The following KIAA1217 variants were observed in gnomAD, a reference collection of about 807,000 sequenced individuals.
KIAA1217 encodes the protein sickle tail protein homolog.
A neutral mutation model predicts 163.9 loss-of-function variants in KIAA1217; 88 were observed. That is an observed-to-expected ratio of 0.54 (90% CI 0.45 to 0.64). KIAA1217 has a LOEUF of 0.64. Ranked by LOEUF, KIAA1217 falls within the 30% of genes least tolerant of loss-of-function variation. KIAA1217 has a pLI of 0.00. For synonymous variants in KIAA1217, 903 were observed against 923.1 expected (o/e 0.98, Z 0.39); for missense variants, 2,372 against 2,475.0 (o/e 0.96, Z 0.88).
rs377334726 is a variant in KIAA1217, at chr10:23,709,174, G to A, written c.-321+13940G>A. Among the ~76,000 whole-genome samples the A allele has an allele frequency of 5.9e-5, 9 of 152,108 alleles. No individual in the cohort carries two copies. In the East Asian group the frequency reaches 7.7e-4, roughly 13 times the overall value. On this transcript the variant is annotated intron_variant, in intron 1 of 18. Coordinates refer to the KIAA1217 transcript ENST00000376462. Reference sequence around the variant, plus strand: ...CAGCCTGCGGCCACTTGACACTTTGGATATCTCCTCTCAGGTATTCGGCTA... The same window carrying A: ...CAGCCTGCGGCCACTTGACACTTTGAATATCTCCTCTCAGGTATTCGGCTA...
intron 1 of KIAA1217, among the ~76,000 whole-genome samples, chr10:24,003,740 G>C (rs998852594): frequency 6.6e-6 from 1 of 152,174 alleles, no homozygotes; most frequent in Non-Finnish European, 1.5e-5. Context: ...TTGAATCACA[G>C]AATGTTTCTA....
chr10:24,379,523 T>A (rs1188411413), intron 2 of KIAA1217, among the ~76,000 whole-genome samples: 1 of 152,222 alleles, frequency 6.6e-6, no homozygotes, highest in Non-Finnish European at 1.5e-5. Context: ...ACCTTATCCC[T>A]GCTTTCCTCT....
Position 24,292,245 on chromosome 10 carries a change from C to T in KIAA1217, c.354+72336C>T, listed in dbSNP as rs576543859. On this transcript the variant is annotated intron_variant, in intron 2 of 20. Transcript: ENST00000376454. ...AGGTTAAGTGGTCATGGCAGTTTAC[C>T]GTGGACATTGTTTAACTGATGGAAA... Among the ~76,000 whole-genome samples, 265 of 152,202 alleles carry T rather than the reference C, an allele frequency of 1.7e-3. 1 individual carries two copies. The highest frequency in any genetic ancestry group is 3.3e-3 in the Non-Finnish European group (225 of 68,014).
intron 6 of KIAA1217, among the ~76,000 whole-genome samples, chr10:24,487,481 A>G (rs1302980008): frequency 6.6e-6 from 1 of 152,266 alleles, no homozygotes; most frequent in Non-Finnish European, 1.5e-5. Flanking sequence ...CCCTAGGAGT[A>G]TGTGAAGAAC....
intron 2 of KIAA1217, among the ~76,000 whole-genome samples, chr10:24,299,089 A>T (rs1033043582): frequency 2.6e-5 from 4 of 152,200 alleles, no homozygotes; most frequent in African/African-American, 9.6e-5. Flanking sequence ...ACAAATTGTA[A>T]ATACTGTATA....
intron 6 of KIAA1217, among the ~76,000 whole-genome samples, chr10:24,474,540 G>C (rs1185468487): frequency 3.9e-5 from 6 of 152,212 alleles, no homozygotes; most frequent in African/African-American, 1.4e-4. Flanking sequence ...GTTGTGGGAA[G>C]TGGAAATAAT....
intron 9 of KIAA1217, among the ~76,000 whole-genome samples, chr10:24,512,030 A>C (rs1028033045): frequency 2.6e-5 from 4 of 152,174 alleles, no homozygotes; most frequent in African/African-American, 9.7e-5. Context: ...GTAAAACTGG[A>C]AATCGAACCC....
chr10:23,710,459 G>T (rs1837181041), intron 1 of KIAA1217, among the ~76,000 whole-genome samples: 1 of 152,180 alleles, frequency 6.6e-6, no homozygotes, highest in African/African-American at 2.4e-5. Flanking sequence ...TGTAGATAAT[G>T]AAGATTGTAT....
chr10:24,103,204 C>T (rs540933461), intron 2 of KIAA1217, among the ~76,000 whole-genome samples: 1 of 152,044 alleles, frequency 6.6e-6, no homozygotes, highest in African/African-American at 2.4e-5. Context: ...AACAACTAGA[C>T]AACACATACA....
At chr10:23,967,271 C>A (rs1041407701) in intron 1 of KIAA1217, among the ~76,000 whole-genome samples, 1 of 152,046 alleles carries the variant, frequency 6.6e-6, no homozygotes, top group African/African-American at 2.4e-5. Flanking sequence ...AGAAAAACAA[C>A]TATAAACAAA....
intron 2 of KIAA1217, among the ~76,000 whole-genome samples, chr10:24,336,057 A>G (rs1385902383): frequency 1.3e-5 from 2 of 152,250 alleles, no homozygotes; most frequent in African/African-American, 2.4e-5. Context: ...CCTGGCCAAC[A>G]TGGTGAAACC....
At chr10:23,851,244 A>G (rs1012800816) in intron 1 of KIAA1217, among the ~76,000 whole-genome samples, 1 of 151,912 alleles carries the variant, frequency 6.6e-6, no homozygotes, top group African/African-American at 2.4e-5. Context: ...ATTCCCACCT[A>G]TGAGTGAGAA....
chr10:24,306,692 C>G (rs2042039080), intron 2 of KIAA1217, among the ~76,000 whole-genome samples: 1 of 152,212 alleles, frequency 6.6e-6, no homozygotes, highest in Non-Finnish European at 1.5e-5. Flanking sequence ...GCAGCATCTT[C>G]CAAGTGATAA....
At chr10:24,376,677 G>A (rs1444459536) in intron 2 of KIAA1217, among the ~76,000 whole-genome samples, 5 of 151,918 alleles carry the variant, frequency 3.3e-5, no homozygotes, top group Non-Finnish European at 7.4e-5. Flanking sequence ...TGGGAGGATC[G>A]CTTGAGCCTG....
At chr10:23,752,025 C>T (rs928872905) in intron 1 of KIAA1217, among the ~76,000 whole-genome samples, 4 of 152,222 alleles carry the variant, frequency 2.6e-5, no homozygotes, top group African/African-American at 7.2e-5. Flanking sequence ...TACCTCACAT[C>T]ATGAGCAATC....
intron 11 of KIAA1217, among the ~76,000 whole-genome samples, chr10:24,520,919 C>T (rs1333738044): frequency 1.3e-5 from 2 of 149,020 alleles, no homozygotes; most frequent in Non-Finnish European, 3.0e-5. Flanking sequence ...TAACCAGGCA[C>T]GGTGGCTCAC....
intron 1 of KIAA1217, among the ~76,000 whole-genome samples, chr10:23,915,452 A>G (rs1309584177): frequency 6.6e-6 from 1 of 152,176 alleles, no homozygotes; most frequent in Non-Finnish European, 1.5e-5. Flanking sequence ...GCTATTAGGA[A>G]TAGAAAAAGG....
intron 1 of KIAA1217, among the ~76,000 whole-genome samples, chr10:23,855,153 C>T (rs931355372): frequency 3.9e-5 from 6 of 152,140 alleles, no homozygotes; most frequent in East Asian, 3.9e-4. Context: ...TGGCTGGTAC[C>T]GGTTGTTCCT....
intron 1 of KIAA1217, among the ~76,000 whole-genome samples, chr10:23,961,753 T>C (rs1302572268): frequency 6.6e-6 from 1 of 152,150 alleles, no homozygotes; most frequent in Non-Finnish European, 1.5e-5. Flanking sequence ...CAGAAACATA[T>C]CATCTCACAG....
Sources: gnomAD v4.1 joint callset for allele counts (sites outside exome capture counted in the v4.1 genomes callset) on GRCh38, gnomAD v4.1.1 for gene constraint, MANE v1.5 for transcripts, NCBI Gene and HGNC (gene_info 2026-07-23, HGNC 2026-07-21) for gene names.